The following DNAH9 variants were observed in gnomAD, a reference collection of about 807,000 sequenced individuals.
DNAH9 encodes DNAH9 variant protein.
A neutral mutation model predicts 471.6 loss-of-function variants in DNAH9; 345 were observed. That is an observed-to-expected ratio of 0.73 (90% CI 0.67 to 0.80). The LOEUF is 0.80. Among genes scored for constraint, DNAH9 ranks in the 30% least tolerant of loss-of-function variants. The probability of loss-of-function intolerance (pLI) is 0.00; values close to 1 mark genes in which losing one functional copy is unlikely to be tolerated. For synonymous variants in DNAH9, 2,093 were observed against 2,123.6 expected, an observed-to-expected ratio of 0.99 and a Z score of 0.40; for missense variants, 5,407 against 5,609.2, an observed-to-expected ratio of 0.96 and a Z score of 1.15.
chr17:11,848,555 ATAAT>A (rs1210385736), intron 49 of DNAH9, among the ~76,000 whole-genome samples: 1 of 151,822 alleles, frequency 6.6e-6, no homozygotes, highest in Admixed American at 6.6e-5. Context: ...AATAAATCAA[ATAAT>A]TGTTAAATAA....
chr17:11,761,378 G>A (rs1285544734), intron 35 of DNAH9, among the ~76,000 whole-genome samples: 3 of 152,192 alleles, frequency 2.0e-5, no homozygotes, highest in African/African-American at 7.2e-5. Flanking sequence ...CGCTGTAAAA[G>A]CGGGGTGGAG....
intron 27 of DNAH9, among the ~76,000 whole-genome samples, chr17:11,721,108 A>C (rs1307475076): frequency 6.6e-6 from 1 of 152,182 alleles, no homozygotes. Flanking sequence ...AGATTTCTTC[A>C]AAGTCATACC....
intron 43 of DNAH9, among the ~76,000 whole-genome samples, chr17:11,806,404 A>G (rs1969684292): frequency 1.3e-5 from 2 of 152,344 alleles, no homozygotes; most frequent in Admixed American, 1.3e-4. Flanking sequence ...TGGAAGCAAC[A>G]TACATATCCA....
rs746648459 is a variant in DNAH9, at chr17:11,822,920, T to C, written c.9132T>C (p.Phe3044=). The C allele has an allele frequency of 6.2e-7, 1 of 1,614,214 alleles. No individual in the cohort carries two copies. The highest frequency in any genetic ancestry group is 1.1e-5 in the South Asian group (1 of 91,080). The change falls in exon 48 of 69, where the codon TTT becomes TTC. Residue 3044 remains phenylalanine (F), a synonymous_variant. Coordinates refer to ENST00000262442, the MANE Select transcript of DNAH9 (RefSeq NM_001372.4). ...ACAACTATACAACTCCCAAGTCCTT[T>C]CTGGAGTTCATCAGACTCTACCAGA... is the stretch of plus-strand genomic sequence containing the variant. ...QRYNYTTPKS[F]LEFIRLYQSL...
At chr17:11,795,797 T>C (rs1225654207) in intron 42 of DNAH9, among the ~76,000 whole-genome samples, 1 of 152,196 alleles carries the variant, frequency 6.6e-6, no homozygotes, top group Admixed American at 6.5e-5. Context: ...TGTGGGTCTG[T>C]GTATGAAGAG....
intron 43 of DNAH9, among the ~76,000 whole-genome samples, chr17:11,799,713 A>G (rs2037362361): frequency 6.6e-6 from 1 of 152,160 alleles, no homozygotes; most frequent in African/African-American, 2.4e-5. Context: ...CCTCTGAAGT[A>G]GCTGGGATTA....
chr17:11,863,522 G>A (rs1971934418), intron 50 of DNAH9, among the ~76,000 whole-genome samples: 1 of 152,140 alleles, frequency 6.6e-6, no homozygotes, highest in East Asian at 1.9e-4. Flanking sequence ...GTATCAGGAT[G>A]ATGCTGGCCT....
chr17:11,829,855 C>T (rs1161739998), intron 48 of DNAH9, among the ~76,000 whole-genome samples: 1 of 152,236 alleles, frequency 6.6e-6, no homozygotes, highest in Non-Finnish European at 1.5e-5. Context: ...CTGAATTCAA[C>T]ATGGCTCTGG....
Position 11,610,505 on chromosome 17 carries a change from C to G in DNAH9, c.724C>G (p.Gln242Glu). The change falls in exon 3 of 69, where the codon CAA becomes GAA. Residue 242 changes from glutamine (Q) to glutamate (E), a missense_variant. By Grantham distance (29) the Gln-to-Glu change is conservative. Around this residue, in one of 3 missense-constraint regions of DNAH9, gnomAD observed 767 missense variants for 692.5 expected, o/e 1.11. Transcript: ENST00000262442. ...GAGAGAGTCTTCCCAGCCACTCTTA[C>G]AAGGGGAGAATCCCACCCCTAAGGT... ...LKRESSQPLL[Q>E]GENPTPKVEL... is the part of the protein sequence containing the mutation. 6.2e-7 allele frequency: 1 copy of G among 1,613,336 alleles called. No homozygotes were observed. Among genetic ancestry groups the G allele is most frequent in the Non-Finnish European group, 8.5e-7 (1 of 1,179,934 alleles).
chr17:11,750,183 A>G (rs898678543), intron 32 of DNAH9, among the ~76,000 whole-genome samples: 5 of 152,054 alleles, frequency 3.3e-5, no homozygotes, highest in Non-Finnish European at 7.4e-5. Flanking sequence ...CTATAATCCC[A>G]GTGCTTTGGG....
In DNAH9 at chr17:11,962,390, T is replaced by C; in HGVS notation, c.13233+134T>C. 1 of 1,379,928 alleles carries C rather than the reference T, an allele frequency of 7.2e-7. No homozygotes were observed. The highest frequency in any genetic ancestry group is 9.5e-7 in the Non-Finnish European group (1 of 1,051,320). 85.5% of individuals were successfully genotyped at this position (1,379,928 alleles called of 1,614,324 possible). A position where few individuals can be genotyped will look rare whatever the true frequency, so the allele number is the denominator to read the frequency against. ...AGCTAACCTTCTTTCCTTGAGGCCATCAGGCCATTTTTATTTAGCCAGGGG... is the reference window on the plus strand; with the variant it reads ...AGCTAACCTTCTTTCCTTGAGGCCACCAGGCCATTTTTATTTAGCCAGGGG... On this transcript the variant is annotated intron_variant, in intron 68 of 68. Coordinates refer to ENST00000262442, the MANE Select transcript of DNAH9 (RefSeq NM_001372.4). This position sits in a 1 kb window ranked among gnomAD's most constrained non-coding sequence, Gnocchi z 4.1.
chr17:11,968,624 G>C (rs550089770), intron 68 of DNAH9, among the ~76,000 whole-genome samples: 3 of 152,330 alleles, frequency 2.0e-5, no homozygotes, highest in Non-Finnish European at 2.9e-5. Context: ...AAAACGTCAA[G>C]TCCAGAATAT....
At chr17:11,727,767 A>G (rs999181601) in intron 27 of DNAH9, 51 bp from the exon 28 acceptor site, 1 of 1,275,142 alleles carries the variant, frequency 7.8e-7, no homozygotes, top group Non-Finnish European at 1.1e-6. Flanking sequence ...TTCAACATGT[A>G]TTGATAAGCC....
intron 33 of DNAH9, among the ~76,000 whole-genome samples, chr17:11,756,316 A>G (rs1967386320): frequency 6.6e-6 from 1 of 151,576 alleles, no homozygotes; most frequent in African/African-American, 2.4e-5. Flanking sequence ...AGACTCACTC[A>G]CAACCATGAG....
At chr17:11,888,226 C>A (rs1052725853) in intron 57 of DNAH9, among the ~76,000 whole-genome samples, 2 of 152,010 alleles carry the variant, frequency 1.3e-5, no homozygotes, top group African/African-American at 2.4e-5. Context: ...CTTCGTGATC[C>A]GCCCGCCTCG....
intron 42 of DNAH9, among the ~76,000 whole-genome samples, chr17:11,797,296 A>G (rs1969279142): frequency 6.6e-6 from 1 of 152,146 alleles, no homozygotes; most frequent in South Asian, 2.1e-4. Flanking sequence ...CCACCCATCC[A>G]TCCCCATCCA....
At chr17:11,879,359 T>C (rs1384070934) in intron 53 of DNAH9, among the ~76,000 whole-genome samples, 3 of 152,166 alleles carry the variant, frequency 2.0e-5, no homozygotes, top group African/African-American at 7.2e-5. Flanking sequence ...CTCCCTCCTC[T>C]TCTTCTTTAT....
At chr17:11,916,443 G>T (rs1385376091) in intron 61 of DNAH9, among the ~76,000 whole-genome samples, 1 of 152,156 alleles carries the variant, frequency 6.6e-6, no homozygotes, top group Non-Finnish European at 1.5e-5. Context: ...TTGGTGCTTT[G>T]ATTTATTTTC....
At chr17:11,625,066 A>T (rs1459873366) in intron 6 of DNAH9, among the ~76,000 whole-genome samples, 1 of 134,016 alleles carries the variant, frequency 7.5e-6, no homozygotes, top group Non-Finnish European at 1.5e-5. Context: ...TTCCTGCTTG[A>T]TGCATCAGTG....
Sources: allele counts gnomAD v4.1 joint callset (sites outside exome capture counted in the v4.1 genomes callset), GRCh38; gene constraint gnomAD v4.1.1; regional missense constraint gnomAD v4.1.1; non-coding constraint Gnocchi (gnomAD v3.1); transcripts MANE v1.5; gene names NCBI Gene and HGNC (gene_info 2026-07-23, HGNC 2026-07-21).